Variants in TMEM106A observed in about 807,000 individuals in gnomAD.
The protein encoded by TMEM106A is transmembrane protein 106A.
TMEM106A carries 22 observed loss-of-function variants against 25.1 expected under a neutral mutation model. The observed-to-expected ratio is 0.88, with a 90% CI of 0.63 to 1.25. TMEM106A has a LOEUF of 1.25. Among genes scored for constraint, TMEM106A ranks in the 50% most tolerant of loss-of-function variants. The pLI is 0.00. For missense variants in TMEM106A, 275 were observed against 318.1 expected, an observed-to-expected ratio of 0.86 and a Z score of 1.03; for synonymous variants, 104 against 129.9, an observed-to-expected ratio of 0.80 and a Z score of 1.35.
At position 43,217,726 on chromosome 17, in the gene TMEM106A, C is replaced by T. The variant is rs866659914; in HGVS notation, c.714C>T (p.Val238=). 4 of 1,614,096 alleles carry T rather than the reference C, an allele frequency of 2.5e-6. No individual in the cohort carries two copies. Among genetic ancestry groups the T allele is most frequent in the South Asian group, 1.1e-5 (1 of 91,090 alleles). Reference sequence around the variant, plus strand: ...ACCTGAGCCATTCAGAGCAGCTGGTCTTTCAGAGCTATGAATATGTGGACT... The same window carrying T: ...ACCTGAGCCATTCAGAGCAGCTGGTTTTTCAGAGCTATGAATATGTGGACT... ...CSYLSHSEQL[V]FQSYEYVDCR... The change falls in exon 9 of 9, where the codon GTC becomes GTT. Residue 238 remains valine, a synonymous_variant. Transcript: ENST00000612339.
At position 43,218,621 on chromosome 17, in the gene TMEM106A, A is replaced by G. The variant is rs1342715223; in HGVS notation, c.*820A>G. The G allele has an allele frequency of 3.3e-5, 5 of 152,230 alleles. No homozygotes were observed. The highest frequency in any genetic ancestry group is 9.6e-5 in the African/African-American group (4 of 41,460). The allele number at this position is 152,230 out of a possible 1,614,324, so 9.4% of individuals were successfully genotyped here. ...GGTTGCAGTGAGCCAAGATCGTGCA[A>G]CTGCACTCCAGCCTGGGCAAAAGAG... On this transcript the variant is annotated 3_prime_UTR_variant, in exon 9 of 9. Transcript: ENST00000612339.
At chr17:43,213,776 A>G in intron 3 of TMEM106A, 52 bp from the exon 4 acceptor site, 5 of 1,584,476 alleles carry the variant, frequency 3.2e-6, no homozygotes, top group Non-Finnish European at 4.3e-6. Flanking sequence ...GGCACAGTAA[A>G]TATTTGTCAC....
intron 7 of TMEM106A, chr17:43,216,942 G>T: frequency 1.5e-6 from 1 of 685,072 alleles, no homozygotes; most frequent in South Asian, 1.8e-5. Flanking sequence ...AAAACAGGCT[G>T]GAATTTGGTT....
At position 43,217,723 on chromosome 17, in the gene TMEM106A, G is replaced by A; in HGVS notation, c.711G>A (p.Leu237=). The change falls in exon 9 of 9, where the codon CTG becomes CTA. Residue 237 remains leucine (L), a synonymous_variant. Coordinates refer to ENST00000612339, the MANE Select transcript of TMEM106A (RefSeq NM_145041.4). ...TCSYLSHSEQ[L]VFQSYEYVDC... is the part of the protein sequence containing the mutation. ...CATACCTGAGCCATTCAGAGCAGCT[G>A]GTCTTTCAGAGCTATGAATATGTGG... The A allele has an allele frequency of 6.2e-7, 1 of 1,614,156 alleles. No individual in the cohort carries two copies. Among genetic ancestry groups the A allele is most frequent in the Non-Finnish European group, 8.5e-7 (1 of 1,180,032 alleles).
At position 43,219,686 on chromosome 17, in the gene TMEM106A, C is replaced by G. The variant is rs1313570400; in HGVS notation, c.*1885C>G. ...GGCAGAGGTTGCAGTGAGCCAAGAT[C>G]GCACCACTGCACTCCAGCCTGGGCA... On this transcript the variant is annotated 3_prime_UTR_variant, in exon 9 of 9. Transcript: ENST00000612339. 2.0e-5 allele frequency: 3 copies of G among 147,634 alleles called. No homozygotes were observed. Among genetic ancestry groups the G allele is most frequent in the African/African-American group, 7.5e-5 (3 of 39,962 alleles). The allele number at this position is 147,634 out of a possible 1,614,324, so 9.1% of individuals were successfully genotyped here.
chr17:43,217,557 G>C, intron 8 of TMEM106A, 124 bp from the exon 9 acceptor site: 1 of 1,516,388 alleles, frequency 6.6e-7, no homozygotes. Context: ...TACCTTGGCA[G>C]AGTGGGGAGC....
Position 43,216,775 on chromosome 17 carries a change from T to C in TMEM106A, c.614+35T>C, listed in dbSNP as rs750832168. 3 of 1,613,596 alleles carry C rather than the reference T, an allele frequency of 1.9e-6. No individual in the cohort carries two copies. In the African/African-American group the frequency reaches 4.0e-5, roughly 22 times the overall value. On this transcript the variant is annotated intron_variant, in intron 7 of 8. Coordinates refer to ENST00000612339, the MANE Select transcript of TMEM106A (RefSeq NM_145041.4). ...CCTTGATCTCTTCTCCCCTAGCCAC[T>C]TGCCTGGCTTAGGGACCCAATTAAT... is the stretch of plus-strand genomic sequence containing the variant.
At chr17:43,216,976 G>C (rs2057492688) in intron 7 of TMEM106A, 2 of 631,316 alleles carry the variant, frequency 3.2e-6, no homozygotes, top group African/African-American at 3.7e-5. Context: ...TGTGACCTTG[G>C]GCTCTTCAGC....
Position 43,217,846 on chromosome 17 carries a change from A to G in TMEM106A, c.*45A>G, listed in dbSNP as rs146630454. The G allele has an allele frequency of 1.7e-3, 2,763 of 1,611,964 alleles. 33 individuals are homozygous for G. In the African/African-American group the frequency reaches 0.032, roughly 19 times the overall value. ...CTCCAGGCACCTGCAACCCTGGTCT[A>G]TATCTCCCACAACTCCCTGGTGACT... On this transcript the variant is annotated 3_prime_UTR_variant, in exon 9 of 9. Transcript: ENST00000612339.
intron 3 of TMEM106A, 89 bp downstream of exon 3, chr17:43,213,341 G>T (rs1424259827): frequency 5.1e-6 from 7 of 1,369,324 alleles, no homozygotes; most frequent in Non-Finnish European, 7.2e-6. Flanking sequence ...AGTCTCCTTG[G>T]ATGGGGTTAG....
chr17:43,216,553 C>G lies in TMEM106A; in HGVS notation c.534C>G (p.Asn178Lys). 6.2e-7 allele frequency: 1 copy of G among 1,614,254 alleles called. No homozygotes were observed. ...TCGTGGTGGGGCAGGTTTCCAACAA[C>G]CTTCTCCTACACATTGGCCCTTTGG... Reference protein sequence around the residue: ...LSLVVGQVSNNLLLHIGPLAS... With the variant: ...LSLVVGQVSNKLLLHIGPLAS... The change falls in exon 6 of 9, where the codon AAC (asparagine) becomes AAG (lysine). Residue 178 changes from asparagine to lysine, a missense_variant. Asn to Lys is a moderately conservative substitution (Grantham distance 94, BLOSUM62 0). Transcript: ENST00000612339.
In TMEM106A at chr17:43,213,814, T is replaced by C; in HGVS notation, c.212-14T>C. The C allele has an allele frequency of 6.2e-7, 1 of 1,613,760 alleles. No homozygotes were observed. ...TTGCATCTTGGCCCTCCCTCTCACC[T>C]TCTCTCTCTCTAGAGCTGGAGAAGC... On this transcript the variant is annotated splice_polypyrimidine_tract_variant and intron_variant, in intron 3 of 8. Transcript: ENST00000612339.
chr17:43,216,685 T>C lies in TMEM106A; in HGVS notation c.571-12T>C. Reference sequence around the variant, plus strand: ...GGAGTTGGGGCTAACCCTGTGCCCATTTGGTTGACAGATGTTTTACGCAGT... The same window carrying C: ...GGAGTTGGGGCTAACCCTGTGCCCACTTGGTTGACAGATGTTTTACGCAGT... On this transcript the variant is annotated splice_polypyrimidine_tract_variant and intron_variant, in intron 6 of 8. Transcript: ENST00000612339. 1.2e-6 allele frequency: 2 copies of C among 1,614,170 alleles called. No individual in the cohort carries two copies. Among genetic ancestry groups the C allele is most frequent in the South Asian group, 2.2e-5 (2 of 91,084 alleles).
chr17:43,217,876 A>ACTTGT lies in TMEM106A; in HGVS notation c.*75_*76insCTTGT. On this transcript the variant is annotated 3_prime_UTR_variant, in exon 9 of 9. Transcript: ENST00000612339. ...TCCCACAACTCCCTGGTGACTAAGGAAGGACTACAGAGGCTTTGCCAAAGG... is the reference window on the plus strand; with the variant it reads ...TCCCACAACTCCCTGGTGACTAAGGACTTGTAGGACTACAGAGGCTTTGCCAAAGG... 6 of 1,600,254 alleles carry ACTTGT rather than the reference A, an allele frequency of 3.7e-6. No homozygotes were observed. Among genetic ancestry groups the ACTTGT allele is most frequent in the Non-Finnish European group, 5.1e-6 (6 of 1,172,770 alleles).
At chr17:43,216,121 C>A (rs2057483732) in intron 5 of TMEM106A, 180 bp downstream of exon 5, 4 of 788,594 alleles carry the variant, frequency 5.1e-6, no homozygotes, top group Non-Finnish European at 8.0e-6. Flanking sequence ...AGGATTGGGA[C>A]TCTACACAGT....
intron 4 of TMEM106A, 124 bp downstream of exon 4, chr17:43,214,015 C>T (rs2057461028): frequency 1.0e-6 from 1 of 979,266 alleles, no homozygotes; most frequent in Admixed American, 2.3e-5. Context: ...GCCTGAGCCT[C>T]AGAGGTACCA....
intron 7 of TMEM106A, 175 bp from the exon 8 acceptor site, chr17:43,217,084 C>T (rs1272962353): frequency 1.4e-6 from 1 of 703,796 alleles, no homozygotes; most frequent in Non-Finnish European, 2.5e-6. Context: ...GATAGTGCAG[C>T]CATGCTGCTA....
In TMEM106A at chr17:43,213,223, C is replaced by T. The variant is rs950791735; in HGVS notation, c.182C>T (p.Thr61Ile). ...TADASFVTCP[T>I]CQGSGKIPQE... ...GATGCCAGCTTCGTGACTTGTCCCACCTGCCAGGGCAGTGGCAAGATTCCC... is the reference window on the plus strand; with the variant it reads ...GATGCCAGCTTCGTGACTTGTCCCATCTGCCAGGGCAGTGGCAAGATTCCC... The change falls in exon 3 of 9, where the codon ACC becomes ATC. Residue 61 changes from threonine to isoleucine, a missense_variant. Transcript: ENST00000612339. The T allele has an allele frequency of 1.5e-5, 25 of 1,614,102 alleles. No individual in the cohort carries two copies. Among genetic ancestry groups the T allele is most frequent in the African/African-American group, 6.7e-5 (5 of 74,934 alleles).
intron 4 of TMEM106A, 144 bp downstream of exon 4, chr17:43,214,035 G>C (rs1035979045): frequency 2.5e-6 from 2 of 808,898 alleles, no homozygotes; most frequent in African/African-American, 3.5e-5. Context: ...AGCTCCTTAC[G>C]TCCAAGGATT....
Sources: gnomAD v4.1 joint callset for allele counts on GRCh38, gnomAD v4.1.1 for gene constraint, MANE v1.5 for transcripts, NCBI Gene and HGNC (gene_info 2026-07-23, HGNC 2026-07-21) for gene names.